MAP7D2: variants seen among roughly 807,000 people sequenced by gnomAD.
The protein encoded by MAP7D2 is MAP7 domain-containing protein 2.
In MAP7D2, 33 loss-of-function variants were observed where a neutral mutation model predicts 63.5. That is an observed-to-expected ratio of 0.52 (90% CI 0.39 to 0.70). The LOEUF (loss-of-function observed/expected upper bound fraction) is 0.70, where lower values mean the gene tolerates loss of function less well. Among genes scored for constraint, MAP7D2 ranks in the 30% least tolerant of loss-of-function variants. The pLI is 0.00. For missense variants in MAP7D2, 626 were observed against 604.0 expected (o/e 1.04, Z -0.38); for synonymous variants, 224 against 223.7 (o/e 1.00, Z -0.01).
At position 20,007,455 on chromosome X, in the gene MAP7D2, A is replaced by T. The variant is rs991954537; in HGVS notation, c.*970T>A. ...CCATTCAGATTTTTTCTTGAAGTCC[A>T]TTAAAGTGACATACTGGGTCCAATG... On this transcript the variant is annotated 3_prime_UTR_variant, in exon 17 of 17. Transcript: ENST00000379643. 5.4e-5 allele frequency: 6 copies of T among 112,147 alleles called. No homozygotes were observed. Among genetic ancestry groups the T allele is most frequent in the Non-Finnish European group, 9.4e-5 (5 of 53,160 alleles). The allele number at this position is 112,147 out of a possible 1,213,427, so 9.2% of individuals were successfully genotyped here. A position where few individuals can be genotyped will look rare whatever the true frequency, so the allele number is the denominator to read the frequency against.
At chrX:20,073,012 A>T (rs1362049396) in intron 1 of MAP7D2, among the ~76,000 whole-genome samples, 2 of 111,356 alleles carry the variant, frequency 1.8e-5, no homozygotes, top group Non-Finnish European at 3.8e-5. Flanking sequence ...ATTATTAGTA[A>T]ATTATATTGC....
chrX:20,077,992 G>A (rs113955252), intron 1 of MAP7D2, among the ~76,000 whole-genome samples: 12 of 111,644 alleles, frequency 1.1e-4, no homozygotes, highest in African/African-American at 3.6e-4. Flanking sequence ...TAAAAAGTAC[G>A]TAGAGATGAC....
chrX:20,087,879 C>CTTTTTT (rs539620594), intron 1 of MAP7D2, among the ~76,000 whole-genome samples: 620 of 52,859 alleles, frequency 0.012, 32 homozygotes, highest in Non-Finnish European at 0.015. Flanking sequence ...AATTTCTTTT[C>CTTTTTT]TTTTTTTTTT....
At chrX:20,048,745 T>A (rs773097322) in intron 6 of MAP7D2, among the ~76,000 whole-genome samples, 1 of 108,799 alleles carries the variant, frequency 9.2e-6, no homozygotes, top group Non-Finnish European at 1.9e-5. Context: ...CTGAGCAACA[T>A]AGTGAGACCT....
Position 20,044,288 on chromosome X carries a change from T to C in MAP7D2, c.879+76A>G, listed in dbSNP as rs866975852. 2.8e-5 allele frequency: 29 copies of C among 1,033,926 alleles called. No individual in the cohort carries two copies. In the Middle Eastern group the frequency reaches 1.0e-3, roughly 37 times the overall value. 85.2% of individuals were successfully genotyped at this position (1,033,926 alleles called of 1,213,427 possible). ...GATTGATGGAAACAGACAGCCCAGGTCAAGCACAGAAGTAATCACACCATC... is the reference window on the plus strand; with the variant it reads ...GATTGATGGAAACAGACAGCCCAGGCCAAGCACAGAAGTAATCACACCATC... On this transcript the variant is annotated intron_variant, in intron 7 of 16. Coordinates refer to ENST00000379643, the MANE Select transcript of MAP7D2 (RefSeq NM_001168465.2).
intron 1 of MAP7D2, among the ~76,000 whole-genome samples, chrX:20,068,624 A>C (rs145023609): frequency 7.1e-4 from 80 of 112,305 alleles, no homozygotes; most frequent in African/African-American, 2.5e-3. Context: ...CTAACAAATA[A>C]ACCAGTTATT....
intron 5 of MAP7D2, 76 bp from the exon 6 acceptor site, chrX:20,051,022 A>C: frequency 2.3e-6 from 2 of 859,455 alleles, no homozygotes; most frequent in Non-Finnish European, 3.1e-6. Context: ...AAACAACACA[A>C]TGCATGGTGC....
rs1371224694 is a variant in MAP7D2 at position 20,013,061 on chromosome X, GT to G, written c.1877del (p.Asn626ThrfsTer8). The part of the protein sequence containing the change: ...VEKKTKLVVP[N>X]KMEINGLNTC... ...ACCAGATGTCACACTCACCCATTTT[GT>G]TGGGGACAACCAGTTTTGTCTTCTT... On this transcript the variant is annotated frameshift_variant, in exon 14 of 17. Transcript: ENST00000379643. LOFTEE classifies it high-confidence loss of function. 8.3e-7 allele frequency: 1 copy of G among 1,209,253 alleles called. No individual in the cohort carries two copies. Among genetic ancestry groups the G allele is most frequent in the Admixed American group, 2.2e-5 (1 of 45,990 alleles).
intron 3 of MAP7D2, among the ~76,000 whole-genome samples, chrX:20,060,316 G>C (rs777513807): frequency 1.8e-5 from 2 of 109,642 alleles, no homozygotes; most frequent in Non-Finnish European, 3.8e-5. Context: ...CACCATGCCC[G>C]GCCCATTACA....
chrX:20,092,631 T>C (rs747594454), intron 1 of MAP7D2, among the ~76,000 whole-genome samples: 1 of 111,988 alleles, frequency 8.9e-6, no homozygotes, highest in Non-Finnish European at 1.9e-5. Flanking sequence ...TGGAGGTAGG[T>C]AGTCACTCAT....
chrX:20,043,145 C>T, intron 7 of MAP7D2, among the ~76,000 whole-genome samples: 1 of 111,120 alleles, frequency 9.0e-6, no homozygotes, highest in Non-Finnish European at 1.9e-5. Context: ...CCCTTCTCTC[C>T]CTATCACACT....
At chrX:20,043,976 T>C (rs1252763734) in intron 7 of MAP7D2, among the ~76,000 whole-genome samples, 1 of 111,789 alleles carries the variant, frequency 8.9e-6, no homozygotes, top group Admixed American at 9.5e-5. Context: ...CAAAAGAATA[T>C]TTAATGATTA....
At chrX:20,046,976 C>T (rs2064815273) in intron 6 of MAP7D2, among the ~76,000 whole-genome samples, 1 of 113,000 alleles carries the variant, frequency 8.8e-6, no homozygotes, top group Admixed American at 9.3e-5. Context: ...AAGGAAAACT[C>T]CTTGTGCTGA....
At chrX:20,027,757 GGAGAGAGAGAGAGAGAGA>G (rs56796954) in intron 8 of MAP7D2, among the ~76,000 whole-genome samples, 1 of 76,252 alleles carries the variant, frequency 1.3e-5, no homozygotes, top group Non-Finnish European at 2.5e-5. Flanking sequence ...GAAGGCGGGG[GGAGAGAGAGAGAGAGAGA>G]GAGAGAGAGA....
At chrX:20,016,691 T>C (rs997838855) in intron 10 of MAP7D2, among the ~76,000 whole-genome samples, 4 of 112,071 alleles carry the variant, frequency 3.6e-5, no homozygotes, top group Non-Finnish European at 5.6e-5. Flanking sequence ...AAGCAGAATA[T>C]TTAAAACCAA....
intron 1 of MAP7D2, among the ~76,000 whole-genome samples, chrX:20,071,883 T>C (rs889580354): frequency 9.0e-6 from 1 of 111,422 alleles, no homozygotes; most frequent in African/African-American, 3.3e-5. Flanking sequence ...CTTTAACTCC[T>C]GGCCTCAAGC....
intron 1 of MAP7D2, among the ~76,000 whole-genome samples, chrX:20,074,802 G>A (rs1363384959): frequency 9.0e-6 from 1 of 111,626 alleles, no homozygotes; most frequent in African/African-American, 3.3e-5. Context: ...TGTAATCCCG[G>A]CACTTTGGGA....
intron 6 of MAP7D2, among the ~76,000 whole-genome samples, chrX:20,045,708 A>C (rs2064782635): frequency 9.0e-6 from 1 of 110,600 alleles, no homozygotes; most frequent in Admixed American, 9.7e-5. Flanking sequence ...ATTTGCTGAA[A>C]CGTGGTAAAA....
intron 1 of MAP7D2, among the ~76,000 whole-genome samples, chrX:20,076,526 C>A (rs1261990790): frequency 4.5e-5 from 5 of 110,110 alleles, no homozygotes; most frequent in African/African-American, 1.7e-4. Context: ...GCCAACATGA[C>A]AAAACCCCGT....
Sources: gnomAD v4.1 joint callset for allele counts (sites outside exome capture counted in the v4.1 genomes callset) on GRCh38, gnomAD v4.1.1 for gene constraint, MANE v1.5 for transcripts, NCBI Gene and HGNC (gene_info 2026-07-23, HGNC 2026-07-21) for gene names.